CSMD2: variants seen among roughly 807,000 people sequenced by gnomAD.
CSMD2 encodes the protein CUB and sushi domain-containing protein 2.
A neutral mutation model predicts 398.5 loss-of-function variants in CSMD2; 130 were observed. That is an observed-to-expected ratio of 0.33 (90% CI 0.28 to 0.38). CSMD2 has a LOEUF of 0.38. CSMD2 is among the 10% of genes least tolerant of loss of function. The pLI is 1.00. For synonymous variants in CSMD2, 1,828 were observed against 1,908.5 expected, an observed-to-expected ratio of 0.96 and a Z score of 1.10; for missense variants, 3,829 against 4,764.9, an observed-to-expected ratio of 0.80 and a Z score of 5.78.
At position 33,620,560 on chromosome 1, in the gene CSMD2, T is replaced by C. The variant is rs116513965; in HGVS notation, c.5827+1607A>G. ...ATGGCAAAGTGATTTACAAAGAAAATGTATCTTTGGAAGAAGAAAGAACAG... is the reference window on the plus strand; with the variant it reads ...ATGGCAAAGTGATTTACAAAGAAAACGTATCTTTGGAAGAAGAAAGAACAG... On this transcript the variant is annotated intron_variant, in intron 37 of 70. Coordinates refer to ENST00000373381, the MANE Select transcript of CSMD2 (RefSeq NM_001281956.2). 5.9e-3 allele frequency among the ~76,000 whole-genome samples: 891 copies of C among 152,188 alleles called. 10 individuals carry two copies. The highest frequency in any genetic ancestry group is 0.02 in the African/African-American group (850 of 41,502).
intron 2 of CSMD2, among the ~76,000 whole-genome samples, chr1:34,050,550 C>G (rs1653058910): frequency 6.6e-6 from 1 of 152,186 alleles, no homozygotes; most frequent in African/African-American, 2.4e-5. Flanking sequence ...CTTTTCAAGA[C>G]TCAATTACAA....
chr1:33,615,367 G>A (rs947241495), intron 39 of CSMD2, among the ~76,000 whole-genome samples: 1 of 152,238 alleles, frequency 6.6e-6, no homozygotes. Flanking sequence ...GGGCTAGCCA[G>A]TCTTAGAGAC....
At chr1:33,929,216 G>A (rs1287494028) in intron 4 of CSMD2, among the ~76,000 whole-genome samples, 4 of 151,896 alleles carry the variant, frequency 2.6e-5, no homozygotes, top group East Asian at 3.9e-4. Flanking sequence ...CCCAATCTAC[G>A]CCTGTCCCTC....
chr1:33,806,638 T>C (rs988496067), intron 10 of CSMD2, among the ~76,000 whole-genome samples: 6 of 152,176 alleles, frequency 3.9e-5, no homozygotes, highest in Non-Finnish European at 7.4e-5. Flanking sequence ...TATGTTTAAT[T>C]ATGGAAAGAA....
intron 67 of CSMD2, 28 bp from the exon 68 acceptor site, chr1:33,521,578 G>GCCTCCCACCTGCTCTCT: frequency 1.4e-6 from 2 of 1,433,666 alleles, no homozygotes; most frequent in Non-Finnish European, 2.0e-6. Context: ...ACAGAGAGCA[G>GCCTCCCACCTGCTCTCT]GTGGGAGGCT....
intron 7 of CSMD2, among the ~76,000 whole-genome samples, chr1:33,822,062 G>A (rs1369499834): frequency 6.6e-6 from 1 of 152,152 alleles, no homozygotes; most frequent in Non-Finnish European, 1.5e-5. Context: ...AAAATGATGG[G>A]GAGCCGCTGG....
intron 17 of CSMD2, among the ~76,000 whole-genome samples, chr1:33,725,118 C>T (rs1646484949): frequency 6.6e-6 from 1 of 152,202 alleles, no homozygotes; most frequent in African/African-American, 2.4e-5. Flanking sequence ...GCCAGGAGGT[C>T]TGCACGCAAG....
intron 1 of CSMD2, among the ~76,000 whole-genome samples, chr1:34,095,852 T>C (rs1659233244): frequency 6.6e-6 from 1 of 151,754 alleles, no homozygotes; most frequent in South Asian, 2.1e-4. Flanking sequence ...CTGGTACCAT[T>C]CCTTCTGAAA....
At chr1:33,722,683 AT>A (rs11330386) in intron 19 of CSMD2, among the ~76,000 whole-genome samples, 51,415 of 144,196 alleles carry the variant, frequency 0.36, 9,416 homozygotes, top group East Asian at 0.56. Context: ...ACATGTTGCG[AT>A]TTTTTTTTTT....
chr1:33,533,300 C>G lies in CSMD2; in HGVS notation c.9992-71G>C. On this transcript the variant is annotated intron_variant, in intron 63 of 70. Transcript: ENST00000373381. This position sits in a 1 kb window ranked among gnomAD's most constrained non-coding sequence, Gnocchi z 4.2. The stretch of plus-strand genomic sequence containing the variant: ...TTCAGGGGCCCTTTCGACCATTCCC[C>G]TGTTCCTAGATAGAATATCCTCTTC... The G allele has an allele frequency of 2.4e-5, 33 of 1,350,380 alleles. No homozygotes were observed. The highest frequency in any genetic ancestry group is 3.3e-5 in the Non-Finnish European group (32 of 965,092). The allele number at this position is 1,350,380 out of a possible 1,614,324, so 83.6% of individuals were successfully genotyped here. A position where few individuals can be genotyped will look rare whatever the true frequency, so the allele number is the denominator to read the frequency against.
Position 33,533,247 on chromosome 1 carries a change from C to A in CSMD2, c.9992-18G>T. On this transcript the variant is annotated intron_variant, in intron 63 of 70. Coordinates refer to ENST00000373381, the MANE Select transcript of CSMD2 (RefSeq NM_001281956.2). This position sits in a 1 kb window ranked among gnomAD's most constrained non-coding sequence, Gnocchi z 4.2. ...GTGGTGGGCTGGATGAGAGGAAAGA[C>A]CCTGTTGGACTGGAGGAGATTAGGG... 1.9e-6 allele frequency: 3 copies of A among 1,612,352 alleles called. No individual in the cohort carries two copies. The highest frequency in any genetic ancestry group is 2.5e-6 in the Non-Finnish European group (3 of 1,179,452).
chr1:34,108,405 C>A (rs1660731454), intron 1 of CSMD2, among the ~76,000 whole-genome samples: 1 of 152,134 alleles, frequency 6.6e-6, no homozygotes, highest in African/African-American at 2.4e-5. Context: ...TGGCCCCTGC[C>A]CCTCTATCTA....
chr1:33,934,710 C>T (rs957852362), intron 4 of CSMD2, among the ~76,000 whole-genome samples: 1 of 151,724 alleles, frequency 6.6e-6, no homozygotes. Flanking sequence ...TAAAAATGAT[C>T]GTGTGCCACG....
At chr1:34,061,012 C>T (rs910583809) in intron 2 of CSMD2, among the ~76,000 whole-genome samples, 4 of 152,098 alleles carry the variant, frequency 2.6e-5, no homozygotes, top group East Asian at 1.9e-4. Flanking sequence ...AATCCGTAGC[C>T]GTGGAAGAGT....
chr1:33,702,522 G>A (rs1187740419), intron 22 of CSMD2, among the ~76,000 whole-genome samples: 1 of 152,248 alleles, frequency 6.6e-6, no homozygotes, highest in East Asian at 1.9e-4. Context: ...ATGTTGGTAA[G>A]TGTCCTTCTA....
chr1:33,604,964 C>A (rs1452251396), intron 42 of CSMD2, among the ~76,000 whole-genome samples: 2 of 152,320 alleles, frequency 1.3e-5, no homozygotes, highest in Middle Eastern at 3.4e-3. Flanking sequence ...CTCCCACTCC[C>A]TCACATGGAG....
rs1421206006 is a variant in CSMD2, at chr1:33,724,370, G to A, written c.2885-57C>T. 44 of 1,505,794 alleles carry A rather than the reference G, an allele frequency of 2.9e-5. No homozygotes were observed. In the Admixed American group the frequency reaches 4.0e-4, roughly 14 times the overall value. 93.3% of individuals were successfully genotyped at this position (1,505,794 alleles called of 1,614,324 possible). A position where few individuals can be genotyped will look rare whatever the true frequency, so the allele number is the denominator to read the frequency against. ...CCAGAGGGCCTCAGGGAGCACCCCCGTCATCCTCCTGGGACCCCATCCCCC... is the reference window on the plus strand; with the variant it reads ...CCAGAGGGCCTCAGGGAGCACCCCCATCATCCTCCTGGGACCCCATCCCCC... On this transcript the variant is annotated intron_variant, in intron 18 of 70. Transcript: ENST00000373381.
chr1:33,773,703 C>T (rs749363057), intron 12 of CSMD2, among the ~76,000 whole-genome samples: 26 of 152,020 alleles, frequency 1.7e-4, no homozygotes, highest in Non-Finnish European at 3.1e-4. Flanking sequence ...GCTCTGTTTC[C>T]GGGGAGAAGG....
At chr1:33,944,944 C>T (rs1353586633) in intron 3 of CSMD2, among the ~76,000 whole-genome samples, 1 of 152,102 alleles carries the variant, frequency 6.6e-6, no homozygotes, top group Admixed American at 6.5e-5. Context: ...CTTCAGAGTT[C>T]CTCTCCTTGC....
Sources: allele counts gnomAD v4.1 joint callset (sites outside exome capture counted in the v4.1 genomes callset), GRCh38; gene constraint gnomAD v4.1.1; non-coding constraint Gnocchi (gnomAD v3.1); transcripts MANE v1.5; gene names NCBI Gene and HGNC (gene_info 2026-07-23, HGNC 2026-07-21).